The following CADM1 variants were observed in gnomAD, a reference collection of about 807,000 sequenced individuals.
The protein encoded by CADM1 is cell adhesion molecule 1.
In CADM1, 15 loss-of-function variants were observed where a neutral mutation model predicts 53.1. That is an observed-to-expected ratio of 0.28 (90% CI 0.19 to 0.44). The LOEUF is 0.44. CADM1 is among the 20% of genes least tolerant of loss of function. The pLI is 1.00. For synonymous variants in CADM1, 281 were observed against 243.0 expected (o/e 1.16, Z -1.45); for missense variants, 434 against 611.3 (o/e 0.71, Z 3.06).
intron 1 of CADM1, among the ~76,000 whole-genome samples, chr11:115,460,993 G>A (rs990364427): frequency 6.6e-6 from 1 of 152,088 alleles, no homozygotes; most frequent in African/African-American, 2.4e-5. Flanking sequence ...ATCTTTAGTA[G>A]GAAGAGATCT....
In CADM1 at chr11:115,373,583, C is replaced by CAA. The variant is rs35059216; in HGVS notation, c.124+130686_124+130687dup. On this transcript the variant is annotated intron_variant, in intron 1 of 11. Coordinates refer to ENST00000331581, the MANE Select transcript of CADM1 (RefSeq NM_001301043.2). ...TGGGTGACAGAGCAAGACTCTGTCT[C>CAA]AAAAAAAAAAAAAAAAAAAAAAAAA... 7.0e-3 allele frequency among the ~76,000 whole-genome samples: 334 copies of CAA among 47,406 alleles called. 1 individual carries two copies. Among genetic ancestry groups the CAA allele is most frequent in the Middle Eastern group, 0.01 (1 of 96 alleles). The allele number at this position is 47,406 out of a possible 152,430, so 31.1% of individuals were successfully genotyped here.
At chr11:115,374,916 A>G (rs1946400686) in intron 1 of CADM1, among the ~76,000 whole-genome samples, 1 of 152,194 alleles carries the variant, frequency 6.6e-6, no homozygotes, top group East Asian at 1.9e-4. Flanking sequence ...CTCAACAAAT[A>G]AAAAGGTTTT....
At chr11:115,424,299 T>C (rs1341204694) in intron 1 of CADM1, among the ~76,000 whole-genome samples, 1 of 152,192 alleles carries the variant, frequency 6.6e-6, no homozygotes, top group Non-Finnish European at 1.5e-5. Flanking sequence ...CACAGGTCTC[T>C]GACAAGCACA....
rs771568327 is a variant in CADM1, at chr11:115,178,665, G to A, written c.1276C>T (p.Arg426Cys). 3.1e-6 allele frequency: 5 copies of A among 1,613,244 alleles called. No individual in the cohort carries two copies. Among genetic ancestry groups the A allele is most frequent in the Middle Eastern group, 1.6e-4 (1 of 6,062 alleles). ...AMLCLLIILGRYFARHKGTYF... is the reference protein window; with the variant it reads ...AMLCLLIILGCYFARHKGTYF... The stretch of plus-strand genomic sequence containing the variant: ...TTACCTTTATGTCTGGCAAAATAGC[G>A]CCCCAGAATGATGAGCAAGCACAGC... Residue 426 changes from arginine (R) to cysteine (C), a missense_variant, in exon 11 of 12, where the codon CGC becomes TGC. Transcript: ENST00000331581.
chr11:115,408,411 G>A (rs1947371331), intron 1 of CADM1, among the ~76,000 whole-genome samples: 1 of 152,196 alleles, frequency 6.6e-6, no homozygotes, highest in African/African-American at 2.4e-5. Flanking sequence ...ATCTGGGACT[G>A]AAACCAAAAG....
intron 1 of CADM1, among the ~76,000 whole-genome samples, chr11:115,438,729 A>C (rs533092012): frequency 6.6e-6 from 1 of 152,232 alleles, no homozygotes; most frequent in Admixed American, 6.5e-5. Context: ...TCAAAAAAAA[A>C]GGTCCATTTA....
rs1190397276 is a variant in CADM1 at position 115,387,375 on chromosome 11, A to G, written c.124+116896T>C. Among the ~76,000 whole-genome samples, 6 of 152,266 alleles carry G rather than the reference A, an allele frequency of 3.9e-5. No homozygotes were observed. In the South Asian group the frequency reaches 1.2e-3, roughly 32 times the overall value. ...ATAAACAAAGATGGGAAAGATAAAA[A>G]CCTAAAATTGAAAGGAAAATGAAGC... is the stretch of plus-strand genomic sequence containing the variant. On this transcript the variant is annotated intron_variant, in intron 1 of 11. Transcript: ENST00000331581.
At chr11:115,290,268 G>C (rs1367245332) in intron 1 of CADM1, among the ~76,000 whole-genome samples, 1 of 152,112 alleles carries the variant, frequency 6.6e-6, no homozygotes, top group Non-Finnish European at 1.5e-5. Flanking sequence ...TCATCTACGT[G>C]GTCTATACAA....
chr11:115,453,931 T>C (rs114006866), intron 1 of CADM1, among the ~76,000 whole-genome samples: 320 of 152,292 alleles, frequency 2.1e-3, no homozygotes, highest in African/African-American at 7.2e-3. Flanking sequence ...GATTCACTTA[T>C]AAGATATATC....
chr11:115,445,241 T>C (rs1392784351), intron 1 of CADM1, among the ~76,000 whole-genome samples: 1 of 152,024 alleles, frequency 6.6e-6, no homozygotes, highest in Non-Finnish European at 1.5e-5. Flanking sequence ...GTCTCAAAAC[T>C]AGAGTTGAAC....
rs1420787715 is a variant in CADM1 at position 115,176,251 on chromosome 11, T to A, written c.*223A>T. On this transcript the variant is annotated 3_prime_UTR_variant, in exon 12 of 12. Transcript: ENST00000331581. ...TTGACTTGGTAGGAAGAAATAAAAA[T>A]TAAACAAACAAACAAACGAAAAAAG... The A allele has an allele frequency of 7.7e-7, 1 of 1,303,008 alleles. No individual in the cohort carries two copies. Among genetic ancestry groups the A allele is most frequent in the African/African-American group, 1.5e-5 (1 of 66,182 alleles). The allele number at this position is 1,303,008 out of a possible 1,614,324, so 80.7% of individuals were successfully genotyped here. A position where few individuals can be genotyped will look rare whatever the true frequency, so the allele number is the denominator to read the frequency against.
At chr11:115,341,514 G>A (rs1945445603) in intron 1 of CADM1, among the ~76,000 whole-genome samples, 1 of 152,170 alleles carries the variant, frequency 6.6e-6, no homozygotes, top group African/African-American at 2.4e-5. Context: ...GTGAGAACTA[G>A]AAAATTCTTT....
chr11:115,208,137 C>G (rs779211643), intron 8 of CADM1, among the ~76,000 whole-genome samples: 5 of 152,210 alleles, frequency 3.3e-5, no homozygotes, highest in Non-Finnish European at 7.3e-5. Context: ...GAAACACACA[C>G]AGACAAGAAT....
At position 115,279,343 on chromosome 11, in the gene CADM1, C is replaced by T. The variant is rs751952179; in HGVS notation, c.125-38923G>A. Among the ~76,000 whole-genome samples the T allele has an allele frequency of 3.9e-5, 6 of 152,306 alleles. No individual in the cohort carries two copies. In the South Asian group the frequency reaches 1.2e-3, roughly 32 times the overall value. On this transcript the variant is annotated intron_variant, in intron 1 of 11. Coordinates refer to ENST00000331581, the MANE Select transcript of CADM1 (RefSeq NM_001301043.2). ...GATACTTAACATTTTTACCCACCTC[C>T]TCCCCAACCAAATATTTCACAAAGA...
chr11:115,369,364 G>A (rs1038285704), intron 1 of CADM1, among the ~76,000 whole-genome samples: 2 of 152,176 alleles, frequency 1.3e-5, no homozygotes, highest in South Asian at 4.1e-4. Flanking sequence ...TTCTATGGGA[G>A]TGGTTAATCG....
chr11:115,283,567 C>A (rs143779864), intron 1 of CADM1, among the ~76,000 whole-genome samples: 289 of 152,260 alleles, frequency 1.9e-3, no homozygotes, highest in Middle Eastern at 6.8e-3. Context: ...CTGTTTAAGA[C>A]CCTATAGGGT....
intron 1 of CADM1, among the ~76,000 whole-genome samples, chr11:115,395,615 C>T (rs1028726286): frequency 1.3e-5 from 2 of 152,138 alleles, no homozygotes; most frequent in African/African-American, 4.8e-5. Flanking sequence ...AGGTGACTAC[C>T]ACAGCTTTCT....
In CADM1 at chr11:115,328,743, T is replaced by TATATGTATATAC. The variant is rs1565368242; in HGVS notation, c.125-88324_125-88323insGTATATACATAT. 3.5e-5 allele frequency among the ~76,000 whole-genome samples: 2 copies of TATATGTATATAC among 57,948 alleles called. 1 individual carries two copies. Among genetic ancestry groups the TATATGTATATAC allele is most frequent in the African/African-American group, 1.3e-4 (2 of 14,996 alleles). The allele number at this position is 57,948 out of a possible 152,430, so 38.0% of individuals were successfully genotyped here. On this transcript the variant is annotated intron_variant, in intron 1 of 11. Coordinates refer to ENST00000331581, the MANE Select transcript of CADM1 (RefSeq NM_001301043.2). ...ATATATATGTATATACATATATATA[T>TATATGTATATAC]ATATAGAATCCAATCTCTTTTGGGG... is the stretch of plus-strand genomic sequence containing the variant.
chr11:115,246,403 C>A (rs1565322138), intron 1 of CADM1, among the ~76,000 whole-genome samples: 1 of 152,140 alleles, frequency 6.6e-6, no homozygotes, highest in Non-Finnish European at 1.5e-5. Context: ...ATAAACTAAA[C>A]CAACTCAACA....
Sources: gnomAD v4.1 joint callset for allele counts (sites outside exome capture counted in the v4.1 genomes callset) on GRCh38, gnomAD v4.1.1 for gene constraint, MANE v1.5 for transcripts, NCBI Gene and HGNC (gene_info 2026-07-23, HGNC 2026-07-21) for gene names.